The following DLGAP1 variants were observed in gnomAD, a reference collection of about 807,000 sequenced individuals.
The protein encoded by DLGAP1 is disks large-associated protein 1.
Under a neutral mutation model 90.8 loss-of-function variants are expected in DLGAP1, and 11 were observed. The ratio of observed to expected loss-of-function variants is 0.12; its 90% CI spans 0.08 to 0.20. The LOEUF (loss-of-function observed/expected upper bound fraction) is 0.20, where lower values mean the gene tolerates loss of function less well. DLGAP1 is among the 10% of genes least tolerant of loss of function. DLGAP1 has a pLI of 1.00. For synonymous variants in DLGAP1, 558 were observed against 540.7 expected, an observed-to-expected ratio of 1.03 and a Z score of -0.44; for missense variants, 1,050 against 1,333.8, an observed-to-expected ratio of 0.79 and a Z score of 3.31.
intron 3 of DLGAP1, among the ~76,000 whole-genome samples, chr18:3,948,233 G>T (rs1004886719): frequency 6.6e-6 from 1 of 152,130 alleles, no homozygotes; most frequent in Non-Finnish European, 1.5e-5. Context: ...TCATCAATTT[G>T]CCAAGAGCTT....
At chr18:3,949,404 C>T (rs1275389619) in intron 3 of DLGAP1, among the ~76,000 whole-genome samples, 2 of 152,188 alleles carry the variant, frequency 1.3e-5, no homozygotes, top group African/African-American at 4.8e-5. Context: ...TCTCAGGACC[C>T]AGCTGTGGCT....
At chr18:3,623,366 A>T (rs1220388928) in intron 7 of DLGAP1, among the ~76,000 whole-genome samples, 1 of 152,208 alleles carries the variant, frequency 6.6e-6, no homozygotes, top group Non-Finnish European at 1.5e-5. Context: ...GAGCCCTGAC[A>T]TTATCTTCCA....
chr18:3,758,000 T>C (rs1287450948), intron 5 of DLGAP1, among the ~76,000 whole-genome samples: 2 of 151,098 alleles, frequency 1.3e-5, no homozygotes, highest in Non-Finnish European at 2.9e-5. Flanking sequence ...CCTGTAATCC[T>C]AGCTACTCGG....
At chr18:4,111,632 C>T (rs1248816398) in intron 2 of DLGAP1, among the ~76,000 whole-genome samples, 1 of 152,072 alleles carries the variant, frequency 6.6e-6, no homozygotes, top group African/African-American at 2.4e-5. Flanking sequence ...GATTCAGTCT[C>T]TTATAGGTCG....
intron 1 of DLGAP1, among the ~76,000 whole-genome samples, chr18:4,412,005 T>A (rs1203373591): frequency 6.6e-6 from 1 of 152,084 alleles, no homozygotes; most frequent in African/African-American, 2.4e-5. Flanking sequence ...ATAGGGAGAA[T>A]GTCAGGGGAG....
chr18:3,912,518 G>A (rs908679241), intron 3 of DLGAP1, among the ~76,000 whole-genome samples: 1 of 152,146 alleles, frequency 6.6e-6, no homozygotes, highest in Non-Finnish European at 1.5e-5. Flanking sequence ...CCTTCCCTCA[G>A]GGAGCTTACA....
At chr18:3,576,425 A>T (rs190421789) in intron 8 of DLGAP1, among the ~76,000 whole-genome samples, 1 of 150,658 alleles carries the variant, frequency 6.6e-6, no homozygotes, top group Non-Finnish European at 1.5e-5. Flanking sequence ...TGCCCAACTA[A>T]TTTTTTTGTA....
chr18:3,763,829 T>G, intron 5 of DLGAP1, among the ~76,000 whole-genome samples: 1 of 151,946 alleles, frequency 6.6e-6, no homozygotes, highest in South Asian at 2.1e-4. Context: ...GCCTGGCTAA[T>G]TTTTTTATAT....
intron 1 of DLGAP1, among the ~76,000 whole-genome samples, chr18:4,362,193 A>G (rs2081644875): frequency 6.6e-6 from 1 of 152,210 alleles, no homozygotes; most frequent in Non-Finnish European, 1.5e-5. Flanking sequence ...AAAATATTAA[A>G]AATAGAATTC....
intron 7 of DLGAP1, chr18:3,597,004 C>T (rs1265614499): frequency 5.8e-6 from 3 of 519,960 alleles, no homozygotes; most frequent in South Asian, 1.4e-5. Flanking sequence ...CACAGGCTCT[C>T]GGCAAAGGAC....
At chr18:4,120,650 C>T (rs1459393989) in intron 2 of DLGAP1, among the ~76,000 whole-genome samples, 1 of 151,286 alleles carries the variant, frequency 6.6e-6, no homozygotes, top group Non-Finnish European at 1.5e-5. Context: ...GTTTCTTTTT[C>T]TTCTAAATTA....
intron 4 of DLGAP1, chr18:3,845,555 T>G (rs2068958977): frequency 1.0e-6 from 1 of 985,472 alleles, no homozygotes; most frequent in Non-Finnish European, 1.2e-6. Flanking sequence ...GCATAGCAGT[T>G]GTACTTACAG....
chr18:3,534,127 A>C, intron 10 of DLGAP1, 67 bp downstream of exon 10: 1 of 1,510,706 alleles, frequency 6.6e-7, no homozygotes, highest in East Asian at 2.3e-5. Context: ...AGAAAACAAC[A>C]AGGTCTGCAC....
At chr18:3,555,267 G>A (rs1211815713) in intron 9 of DLGAP1, among the ~76,000 whole-genome samples, 2 of 152,102 alleles carry the variant, frequency 1.3e-5, no homozygotes, top group African/African-American at 2.4e-5. Context: ...CTTTACAGTG[G>A]TTAACTATAA....
At chr18:4,104,647 G>A (rs1337683225) in intron 2 of DLGAP1, among the ~76,000 whole-genome samples, 2 of 151,980 alleles carry the variant, frequency 1.3e-5, no homozygotes, top group African/African-American at 2.4e-5. Flanking sequence ...TTCTGATCAC[G>A]TTCTTCTTGA....
intron 7 of DLGAP1, among the ~76,000 whole-genome samples, chr18:3,600,867 TATATAGATATATAGATAG>T: frequency 5.0e-5 from 4 of 80,450 alleles, no homozygotes; most frequent in Admixed American, 1.4e-4. Flanking sequence ...TATATATAGA[TATATAGATATATAGATAG>T]ATATATAGAT....
intron 4 of DLGAP1, among the ~76,000 whole-genome samples, chr18:3,866,223 T>G (rs977506220): frequency 6.6e-6 from 1 of 152,226 alleles, no homozygotes; most frequent in African/African-American, 2.4e-5. Flanking sequence ...GGACTGCTGC[T>G]GCTGCTGCTA....
At chr18:4,111,160 T>A (rs548192410) in intron 2 of DLGAP1, among the ~76,000 whole-genome samples, 6 of 152,322 alleles carry the variant, frequency 3.9e-5, no homozygotes, top group African/African-American at 1.4e-4. Context: ...CTGTGTCTAT[T>A]AAGATGATCT....
intron 2 of DLGAP1, among the ~76,000 whole-genome samples, chr18:4,017,855 C>T (rs1428554120): frequency 2.7e-5 from 4 of 146,582 alleles, no homozygotes; most frequent in Non-Finnish European, 6.0e-5. Flanking sequence ...ATGTGCTATA[C>T]TTTTTTTTTT....
Sources: allele counts gnomAD v4.1 joint callset (sites outside exome capture counted in the v4.1 genomes callset), GRCh38; gene constraint gnomAD v4.1.1; transcripts MANE v1.5; gene names NCBI Gene and HGNC (gene_info 2026-07-23, HGNC 2026-07-21).